Variants in RNF121 observed in about 807,000 individuals in gnomAD.
RNF121 encodes the protein E3 ubiquitin ligase RNF121.
RNF121 carries 21 observed loss-of-function variants against 46.5 expected under a neutral mutation model. The observed-to-expected ratio is 0.45, with a 90% CI of 0.32 to 0.65. RNF121 has a LOEUF of 0.65. Among genes scored for constraint, RNF121 ranks in the 30% least tolerant of loss-of-function variants. The probability of loss-of-function intolerance (pLI) is 0.04; values close to 1 mark genes in which losing one functional copy is unlikely to be tolerated. For missense variants in RNF121, 346 were observed against 416.0 expected (o/e 0.83, Z 1.46); for synonymous variants, 139 against 144.7 (o/e 0.96, Z 0.28).
chr11:71,945,164 T>A (rs1276088167), intron 1 of RNF121, among the ~76,000 whole-genome samples: 1 of 151,946 alleles, frequency 6.6e-6, no homozygotes, highest in Non-Finnish European at 1.5e-5. Context: ...ATTTTTAAAT[T>A]TTTTGTAGAG....
intron 3 of RNF121, among the ~76,000 whole-genome samples, chr11:71,973,137 G>A (rs1401974416): frequency 2.0e-5 from 3 of 151,716 alleles, no homozygotes; most frequent in Non-Finnish European, 4.4e-5. Context: ...GGTGAGCCGA[G>A]ACTGTGCCTT....
At chr11:71,995,802 G>A (rs572769433) in intron 8 of RNF121, among the ~76,000 whole-genome samples, 1 of 152,278 alleles carries the variant, frequency 6.6e-6, no homozygotes, top group Admixed American at 6.5e-5. Context: ...TCAGCCTCAG[G>A]CTGTGTTATC....
At chr11:71,995,389 ACTGT>A (rs1235569239) in intron 7 of RNF121, 57 bp from the exon 8 acceptor site, 88 of 1,344,966 alleles carry the variant, frequency 6.5e-5, no homozygotes, top group Non-Finnish European at 8.8e-5. Context: ...CCTTTCAAAG[ACTGT>A]CTGGGGCTGG....
At chr11:71,955,529 A>G (rs1481034315) in intron 1 of RNF121, among the ~76,000 whole-genome samples, 2 of 152,192 alleles carry the variant, frequency 1.3e-5, no homozygotes, top group Admixed American at 6.5e-5. Flanking sequence ...GGAAAGTTGC[A>G]GTTGGAGCTG....
At chr11:71,982,287 G>A (rs143193541) in intron 3 of RNF121, among the ~76,000 whole-genome samples, 335 of 122,862 alleles carry the variant, frequency 2.7e-3, no homozygotes, top group Non-Finnish European at 4.2e-3. Context: ...AGTGAGCCAG[G>A]ATCACACCGT....
intron 1 of RNF121, among the ~76,000 whole-genome samples, chr11:71,931,706 G>A (rs1345957692): frequency 2.0e-5 from 3 of 152,142 alleles, no homozygotes; most frequent in Non-Finnish European, 4.4e-5. Context: ...AACAAATGCA[G>A]TGGGGCACAA....
intron 1 of RNF121, among the ~76,000 whole-genome samples, chr11:71,942,772 GTA>G (rs1201537010): frequency 1.1e-3 from 20 of 18,930 alleles, no homozygotes; most frequent in Non-Finnish European, 3.1e-3. Flanking sequence ...CTATATATCT[GTA>G]TATATATATA....
Position 71,996,350 on chromosome 11 carries a change from C to G in RNF121, c.*35C>G, listed in dbSNP as rs188341542. 4 of 1,609,866 alleles carry G rather than the reference C, an allele frequency of 2.5e-6. No homozygotes were observed. The highest frequency in any genetic ancestry group is 3.4e-6 in the Non-Finnish European group (4 of 1,177,628). ...GCATCAGTGGAAAACCCACCCCACA[C>G]GCCATGGACCTCAGGGCACTCTCCT... On this transcript the variant is annotated 3_prime_UTR_variant, in exon 9 of 9. Coordinates refer to ENST00000361756, the MANE Select transcript of RNF121 (RefSeq NM_018320.5).
chr11:71,942,803 T>TACACAC lies in RNF121; in HGVS notation c.63+13695_63+13700dup, dbSNP rs141356177. ...ATATATATATATAGATATATATATG[T>TACACAC]ACACACACACACACACACACATATA... On this transcript the variant is annotated intron_variant, in intron 1 of 8. Transcript: ENST00000361756. 2.9e-3 allele frequency among the ~76,000 whole-genome samples: 432 copies of TACACAC among 147,580 alleles called. 2 individuals are homozygous for TACACAC. The highest frequency in any genetic ancestry group is 0.012 in the Admixed American group (170 of 14,712).
intron 1 of RNF121, among the ~76,000 whole-genome samples, chr11:71,936,712 T>A (rs79932181): frequency 0.026 from 3,917 of 152,318 alleles, 54 homozygotes; most frequent in East Asian, 0.075. Context: ...GTCACTTTTT[T>A]ATTATGACTT....
intron 1 of RNF121, among the ~76,000 whole-genome samples, chr11:71,944,391 A>AT (rs1305502882): frequency 6.6e-6 from 1 of 152,248 alleles, no homozygotes; most frequent in African/African-American, 2.4e-5. Context: ...TAGAAAGATC[A>AT]TTCTTGGGGC....
chr11:71,943,201 G>A (rs1953628507), intron 1 of RNF121, among the ~76,000 whole-genome samples: 1 of 152,218 alleles, frequency 6.6e-6, no homozygotes, highest in Non-Finnish European at 1.5e-5. Flanking sequence ...GAGCCTACAG[G>A]ACTTGCTGGT....
At chr11:71,994,151 C>T (rs963637813) in intron 6 of RNF121, among the ~76,000 whole-genome samples, 6 of 152,132 alleles carry the variant, frequency 3.9e-5, no homozygotes. Flanking sequence ...CCTCTTATTT[C>T]TTTAAATTCC....
In RNF121 at chr11:71,968,906, G is replaced by A. The variant is rs1170428824; in HGVS notation, c.243+8015G>A. Among the ~76,000 whole-genome samples, 3 of 103,712 alleles carry A rather than the reference G, an allele frequency of 2.9e-5. No homozygotes were observed. In the East Asian group the frequency reaches 8.2e-4, roughly 28 times the overall value. 68.0% of individuals were successfully genotyped at this position (103,712 alleles called of 152,430 possible). ...TTTCTTTCTTTTTTTTTTTTTTTGA[G>A]TCAGGCTCTTGCTGTGTTGCCCAGG... On this transcript the variant is annotated intron_variant, in intron 3 of 8. Coordinates refer to ENST00000361756, the MANE Select transcript of RNF121 (RefSeq NM_018320.5).
chr11:71,960,167 A>T (rs1246970318), intron 2 of RNF121, among the ~76,000 whole-genome samples: 2 of 152,226 alleles, frequency 1.3e-5, no homozygotes, highest in Admixed American at 1.3e-4. Context: ...TACTGAGGGT[A>T]AAGTCACTGT....
intron 1 of RNF121, among the ~76,000 whole-genome samples, chr11:71,930,619 G>A (rs1380571670): frequency 6.6e-6 from 1 of 152,116 alleles, no homozygotes; most frequent in Non-Finnish European, 1.5e-5. Context: ...ACCCCTTCTA[G>A]CTTTTACATT....
chr11:71,973,078 C>T (rs555691355), intron 3 of RNF121, among the ~76,000 whole-genome samples: 1 of 151,620 alleles, frequency 6.6e-6, no homozygotes, highest in South Asian at 2.1e-4. Context: ...CCCAGCTACT[C>T]GGAAGGCTGA....
At chr11:71,951,142 T>G (rs535659087) in intron 1 of RNF121, among the ~76,000 whole-genome samples, 1 of 150,666 alleles carries the variant, frequency 6.6e-6, no homozygotes, top group South Asian at 2.1e-4. Context: ...GAGAATCGCT[T>G]GAACCTGGGA....
At chr11:71,930,250 C>T (rs1170191112) in intron 1 of RNF121, among the ~76,000 whole-genome samples, 2 of 152,082 alleles carry the variant, frequency 1.3e-5, no homozygotes, top group African/African-American at 2.4e-5. Flanking sequence ...GATTGGTTGT[C>T]AGAGATAGAA....
Sources: gnomAD v4.1 joint callset for allele counts (sites outside exome capture counted in the v4.1 genomes callset) on GRCh38, gnomAD v4.1.1 for gene constraint, MANE v1.5 for transcripts, NCBI Gene and HGNC (gene_info 2026-07-23, HGNC 2026-07-21) for gene names.